Variants in AGAP1 observed in about 807,000 individuals in gnomAD.
AGAP1 encodes arf-GAP with GTPase, ANK repeat and PH domain-containing protein 1.
Under a neutral mutation model 105.3 loss-of-function variants are expected in AGAP1, and 29 were observed. The observed-to-expected ratio is 0.28, with a 90% CI of 0.21 to 0.38. The LOEUF (loss-of-function observed/expected upper bound fraction) is 0.38, where lower values mean the gene tolerates loss of function less well. Ranked by LOEUF, AGAP1 falls within the 10% of genes least tolerant of loss-of-function variation. AGAP1 has a pLI of 1.00. For synonymous variants in AGAP1, 509 were observed against 485.9 expected, an observed-to-expected ratio of 1.05 and a Z score of -0.63; for missense variants, 998 against 1,165.1, an observed-to-expected ratio of 0.86 and a Z score of 2.09.
rs77075851 is a variant in AGAP1 at position 235,611,485 on chromosome 2, A to T, written c.164-97694A>T. Among the ~76,000 whole-genome samples the T allele has an allele frequency of 0.034, 5,213 of 152,274 alleles. 123 individuals carry two copies. Among genetic ancestry groups the T allele is most frequent in the African/African-American group, 0.066 (2,722 of 41,552 alleles). ...TGCAGTTGCACACATCTGTGATAAC[A>T]TGGGGTGGGTGGTTCTGATTCCTGT... On this transcript the variant is annotated intron_variant, in intron 1 of 17. Transcript: ENST00000304032. This position sits in a 1 kb window ranked among gnomAD's most constrained non-coding sequence, Gnocchi z 5.0.
Position 235,887,199 on chromosome 2 carries a change from G to A in AGAP1, c.1155+3750G>A, listed in dbSNP as rs113412737. On this transcript the variant is annotated intron_variant, in intron 10 of 17. Coordinates refer to ENST00000304032, the MANE Select transcript of AGAP1 (RefSeq NM_001037131.3). This position sits in a 1 kb window ranked among gnomAD's most constrained non-coding sequence, Gnocchi z 4.1. ...CTTGGCTATCTCCAGGATGTATTACGGCAGAAGGACCACTGAGAGTCATTG... is the reference window on the plus strand; with the variant it reads ...CTTGGCTATCTCCAGGATGTATTACAGCAGAAGGACCACTGAGAGTCATTG... 3.3e-5 allele frequency among the ~76,000 whole-genome samples: 5 copies of A among 152,196 alleles called. No individual in the cohort carries two copies. Among genetic ancestry groups the A allele is most frequent in the Non-Finnish European group, 7.4e-5 (5 of 68,010 alleles).
intron 13 of AGAP1, among the ~76,000 whole-genome samples, chr2:236,025,216 G>A (rs944636961): frequency 6.6e-6 from 1 of 152,182 alleles, no homozygotes; most frequent in Non-Finnish European, 1.5e-5. Context: ...ACCACTAAAA[G>A]TGAAAGCTCC....
chr2:236,002,308 G>A lies in AGAP1; in HGVS notation c.1645+33685G>A, dbSNP rs144795516. 7.2e-3 allele frequency among the ~76,000 whole-genome samples: 1,103 copies of A among 152,274 alleles called. 10 individuals are homozygous for A. The highest frequency in any genetic ancestry group is 0.012 in the South Asian group (59 of 4,822). Reference sequence around the variant, plus strand: ...CTCCTGGTCCCGTCCTGGAACAGCCGGTGACTCAAAGCTCAAATATCATCC... The same window carrying A: ...CTCCTGGTCCCGTCCTGGAACAGCCAGTGACTCAAAGCTCAAATATCATCC... On this transcript the variant is annotated intron_variant, in intron 13 of 17. Coordinates refer to ENST00000304032, the MANE Select transcript of AGAP1 (RefSeq NM_001037131.3). The surrounding 1 kb of genome is among the most constrained non-coding windows in gnomAD (Gnocchi z 4.3).
intron 1 of AGAP1, among the ~76,000 whole-genome samples, chr2:235,579,384 G>T (rs1471520955): frequency 6.6e-6 from 1 of 152,164 alleles, no homozygotes; most frequent in African/African-American, 2.4e-5. Flanking sequence ...GATCAATACA[G>T]CTGTGGGTTG....
rs548137446 is a variant in AGAP1, at chr2:235,564,794, G to A, written c.163+69945G>A. Among the ~76,000 whole-genome samples, 843 of 145,692 alleles carry A rather than the reference G, an allele frequency of 5.8e-3. 4 individuals are homozygous for A. The highest frequency in any genetic ancestry group is 0.02 in the African/African-American group (777 of 38,418). ...GACCAGCACCCACGGCCAGGTGTGAGCCTGGACCAGCACCCACGGCCAGGT... is the reference window on the plus strand; with the variant it reads ...GACCAGCACCCACGGCCAGGTGTGAACCTGGACCAGCACCCACGGCCAGGT... On this transcript the variant is annotated intron_variant, in intron 1 of 17. Coordinates refer to ENST00000304032, the MANE Select transcript of AGAP1 (RefSeq NM_001037131.3).
At chr2:235,624,491 C>G (rs1477693390) in intron 1 of AGAP1, among the ~76,000 whole-genome samples, 1 of 152,194 alleles carries the variant, frequency 6.6e-6, no homozygotes, top group Non-Finnish European at 1.5e-5. Flanking sequence ...ACATGTTGCT[C>G]TGGTTCTTTC....
rs1179640804 is a variant in AGAP1 at position 236,053,274 on chromosome 2, G to C, written c.2114+3993G>C. Among the ~76,000 whole-genome samples, 5 of 152,198 alleles carry C rather than the reference G, an allele frequency of 3.3e-5. No individual in the cohort carries two copies. Among genetic ancestry groups the C allele is most frequent in the African/African-American group, 1.2e-4 (5 of 41,438 alleles). ...CTCCTGCATGAATGAATGATTGAAC[G>C]AGTAAATGAGTGAAAGCGGGAACTC... is the stretch of plus-strand genomic sequence containing the variant. On this transcript the variant is annotated intron_variant, in intron 16 of 17. Transcript: ENST00000304032. The surrounding 1 kb of genome is among the most constrained non-coding windows in gnomAD (Gnocchi z 4.6).
In AGAP1 at chr2:236,002,054, C is replaced by T. The variant is rs1305627603; in HGVS notation, c.1645+33431C>T. Among the ~76,000 whole-genome samples the T allele has an allele frequency of 6.6e-6, 1 of 152,182 alleles. No individual in the cohort carries two copies. The highest frequency in any genetic ancestry group is 2.1e-4 in the South Asian group (1 of 4,822). On this transcript the variant is annotated intron_variant, in intron 13 of 17. Coordinates refer to ENST00000304032, the MANE Select transcript of AGAP1 (RefSeq NM_001037131.3). This position sits in a 1 kb window ranked among gnomAD's most constrained non-coding sequence, Gnocchi z 4.3. ...GAGGACACCATGAGAAACAGCTAGA[C>T]TTGGGATGTCTGTGTTGACAGGGCC...
At chr2:235,759,371 G>A (rs113138487) in intron 6 of AGAP1, among the ~76,000 whole-genome samples, 27,476 of 150,144 alleles carry the variant, frequency 0.18, 3,116 homozygotes, top group East Asian at 0.48. Context: ...GGCTTTCACC[G>A]TGTTAGCCAG....
At chr2:235,795,485 C>T (rs73998918) in intron 6 of AGAP1, among the ~76,000 whole-genome samples, 2,977 of 152,270 alleles carry the variant, frequency 0.02, 97 homozygotes, top group African/African-American at 0.068. Flanking sequence ...CTCCTGAAGT[C>T]AGATACTTTT....
At chr2:235,679,219 C>T (rs1948928661) in intron 1 of AGAP1, among the ~76,000 whole-genome samples, 1 of 152,172 alleles carries the variant, frequency 6.6e-6, no homozygotes, top group South Asian at 2.1e-4. Flanking sequence ...CTCTGTCTAC[C>T]TTGTGCCAGT....
At chr2:235,735,864 A>G (rs1035264556) in intron 3 of AGAP1, among the ~76,000 whole-genome samples, 3 of 152,072 alleles carry the variant, frequency 2.0e-5, no homozygotes, top group Admixed American at 2.0e-4. Context: ...TTGCACTTGA[A>G]GTTGAGTTCA....
rs1210570158 is a variant in AGAP1 at position 236,014,031 on chromosome 2, T to C, written c.1646-22530T>C. Among the ~76,000 whole-genome samples the C allele has an allele frequency of 6.6e-6, 1 of 152,162 alleles. No homozygotes were observed. Among genetic ancestry groups the C allele is most frequent in the Non-Finnish European group, 1.5e-5 (1 of 68,020 alleles). On this transcript the variant is annotated intron_variant, in intron 13 of 17. Transcript: ENST00000304032. This position sits in a 1 kb window ranked among gnomAD's most constrained non-coding sequence, Gnocchi z 6.3. ...CCATCTCAGTGAGCCAGCCAGGCACTGCACACAGCCTGAGTGGTGGGCCTG... is the reference window on the plus strand; with the variant it reads ...CCATCTCAGTGAGCCAGCCAGGCACCGCACACAGCCTGAGTGGTGGGCCTG...
chr2:235,740,280 C>T lies in AGAP1; in HGVS notation c.311-683C>T, dbSNP rs1388570783. 6.6e-6 allele frequency among the ~76,000 whole-genome samples: 1 copy of T among 152,054 alleles called. No homozygotes were observed. Among genetic ancestry groups the T allele is most frequent in the Non-Finnish European group, 1.5e-5 (1 of 68,010 alleles). ...ACCAGGCCCCTCATGCCCGCACCCC[C>T]TCCTCATGGTCACCTCTGTTCCTGC... On this transcript the variant is annotated intron_variant, in intron 3 of 17. Transcript: ENST00000304032. This position sits in a 1 kb window ranked among gnomAD's most constrained non-coding sequence, Gnocchi z 5.7.
chr2:236,119,130 G>C lies in AGAP1; in HGVS notation c.2115-1062G>C, dbSNP rs567957599. 1.2e-3 allele frequency among the ~76,000 whole-genome samples: 176 copies of C among 152,158 alleles called. 1 individual carries two copies. Among genetic ancestry groups the C allele is most frequent in the African/African-American group, 3.9e-3 (164 of 41,524 alleles). On this transcript the variant is annotated intron_variant, in intron 16 of 17. Coordinates refer to ENST00000304032, the MANE Select transcript of AGAP1 (RefSeq NM_001037131.3). The surrounding 1 kb of genome is among the most constrained non-coding windows in gnomAD (Gnocchi z 6.6). ...ACCATGTATTACACTGGCCAGGTCG[G>C]GCAGCCCCATCTCAGCCAGGTTGTG... is the stretch of plus-strand genomic sequence containing the variant.
At chr2:236,117,377 G>A (rs957225747) in intron 16 of AGAP1, among the ~76,000 whole-genome samples, 3 of 152,150 alleles carry the variant, frequency 2.0e-5, no homozygotes, top group African/African-American at 4.8e-5. Flanking sequence ...TTGTCAGTTC[G>A]GATGAGGTTG....
chr2:236,052,034 C>T (rs1450704284), intron 16 of AGAP1, among the ~76,000 whole-genome samples: 2 of 152,174 alleles, frequency 1.3e-5, no homozygotes, highest in African/African-American at 4.8e-5. Flanking sequence ...CCCCCGCTCC[C>T]TCTGCCCCAC....
At chr2:235,607,506 G>A (rs1489986296) in intron 1 of AGAP1, among the ~76,000 whole-genome samples, 2 of 152,192 alleles carry the variant, frequency 1.3e-5, no homozygotes, top group South Asian at 2.1e-4. Flanking sequence ...CCAGGAGCCC[G>A]TTGGCCTGGG....
At position 235,931,267 on chromosome 2, in the gene AGAP1, C is replaced by T. The variant is rs2052707220; in HGVS notation, c.1483+344C>T. ...GAGAAATAAGATCTGATTTTATCTC[C>T]CCAATCACACTGCCCTACGTGGCGT... On this transcript the variant is annotated intron_variant, in intron 12 of 17. Coordinates refer to ENST00000304032, the MANE Select transcript of AGAP1 (RefSeq NM_001037131.3). The surrounding 1 kb of genome is among the most constrained non-coding windows in gnomAD (Gnocchi z 5.6). Among the ~76,000 whole-genome samples, 1 of 152,080 alleles carries T rather than the reference C, an allele frequency of 6.6e-6. No homozygotes were observed. The highest frequency in any genetic ancestry group is 2.4e-5 in the African/African-American group (1 of 41,406).
Sources: gnomAD v4.1 joint callset for allele counts (sites outside exome capture counted in the v4.1 genomes callset) on GRCh38, gnomAD v4.1.1 for gene constraint, Gnocchi (gnomAD v3.1) non-coding constraint, MANE v1.5 for transcripts, NCBI Gene and HGNC (gene_info 2026-07-23, HGNC 2026-07-21) for gene names.